The following IL1RAPL2 variants were observed in gnomAD, a reference collection of about 807,000 sequenced individuals.
IL1RAPL2 encodes the protein X-linked interleukin-1 receptor accessory protein-like 2.
Under a neutral mutation model 44.1 loss-of-function variants are expected in IL1RAPL2, and 3 were observed. That is an observed-to-expected ratio of 0.07 (90% CI 0.03 to 0.18). The LOEUF (loss-of-function observed/expected upper bound fraction) is 0.18. Among genes scored for constraint, IL1RAPL2 ranks in the 10% least tolerant of loss-of-function variants. IL1RAPL2 has a pLI of 1.00. For missense variants in IL1RAPL2, 391 were observed against 496.4 expected, an observed-to-expected ratio of 0.79 and a Z score of 2.02; for synonymous variants, 181 against 178.8, an observed-to-expected ratio of 1.01 and a Z score of -0.10.
chrX:105,695,997 C>G (rs181414206), intron 6 of IL1RAPL2, among the ~76,000 whole-genome samples: 14 of 112,136 alleles, frequency 1.2e-4, no homozygotes, highest in African/African-American at 4.5e-4. Context: ...TAGATTCCCA[C>G]TTAACTGTGA....
intron 6 of IL1RAPL2, among the ~76,000 whole-genome samples, chrX:105,586,467 G>A (rs1259123091): frequency 8.9e-6 from 1 of 111,906 alleles, no homozygotes; most frequent in Non-Finnish European, 1.9e-5. Flanking sequence ...TAGAAGTAGA[G>A]GGATGCAGTT....
At chrX:104,709,278 G>A (rs1164426149) in intron 2 of IL1RAPL2, among the ~76,000 whole-genome samples, 1 of 110,065 alleles carries the variant, frequency 9.1e-6, no homozygotes, top group Non-Finnish European at 1.9e-5. Flanking sequence ...CTGGATAATG[G>A]CAAACCCACT....
intron 6 of IL1RAPL2, among the ~76,000 whole-genome samples, chrX:105,538,100 A>G (rs781346589): frequency 1.0e-5 from 1 of 95,781 alleles, no homozygotes; most frequent in African/African-American, 4.1e-5. Context: ...GCAGTGGCGC[A>G]ATCTCGGCTC....
Position 104,747,510 on chromosome X carries a change from A to G in IL1RAPL2, c.82+88515A>G, listed in dbSNP as rs930953465. 8.1e-5 allele frequency among the ~76,000 whole-genome samples: 9 copies of G among 111,555 alleles called. No homozygotes were observed. The East Asian group carries it at 1.7e-3, about 21-fold the overall frequency. ...CAACCACTGATCAAAGAAACAATCA[A>G]TTGCTTCCTGGAAGTAAAAGAATAT... On this transcript the variant is annotated intron_variant, in intron 2 of 10. Transcript: ENST00000372582.
intron 2 of IL1RAPL2, among the ~76,000 whole-genome samples, chrX:104,958,365 C>A (rs1487767040): frequency 1.9e-5 from 2 of 107,896 alleles, no homozygotes; most frequent in African/African-American, 6.8e-5. Context: ...CCAGGTCAGA[C>A]TGCCTGGAAA....
intron 5 of IL1RAPL2, among the ~76,000 whole-genome samples, chrX:105,323,390 C>T (rs2034910584): frequency 9.0e-6 from 1 of 111,707 alleles, no homozygotes; most frequent in Non-Finnish European, 1.9e-5. Flanking sequence ...AACATTTCCA[C>T]CAATGGCAAG....
chrX:105,446,309 TA>T (rs1440826384), intron 5 of IL1RAPL2, among the ~76,000 whole-genome samples: 1 of 111,132 alleles, frequency 9.0e-6, no homozygotes, highest in Non-Finnish European at 1.9e-5. Flanking sequence ...TTTTTGTAGG[TA>T]ACAGATCATA....
At chrX:104,975,997 T>C (rs2030327314) in intron 2 of IL1RAPL2, among the ~76,000 whole-genome samples, 1 of 111,124 alleles carries the variant, frequency 9.0e-6, no homozygotes, top group Admixed American at 9.5e-5. Flanking sequence ...CGAGAGCCAG[T>C]AAAGGGCCAT....
chrX:104,585,904 T>G (rs1404958326), intron 1 of IL1RAPL2, among the ~76,000 whole-genome samples: 1 of 111,378 alleles, frequency 9.0e-6, no homozygotes, highest in East Asian at 2.8e-4. Flanking sequence ...GCAATGAACA[T>G]GCGTATGAAT....
At chrX:105,095,513 G>A (rs1474559699) in intron 2 of IL1RAPL2, among the ~76,000 whole-genome samples, 2 of 111,514 alleles carry the variant, frequency 1.8e-5, no homozygotes, top group South Asian at 3.7e-4. Context: ...AAAGTTCAGC[G>A]GAATAGAATT....
chrX:104,961,067 G>A (rs868249831), intron 2 of IL1RAPL2, among the ~76,000 whole-genome samples: 62 of 111,272 alleles, frequency 5.6e-4, no homozygotes, highest in African/African-American at 2.0e-3. Flanking sequence ...TACAGTAACA[G>A]ATTAAAAAAA....
intron 2 of IL1RAPL2, among the ~76,000 whole-genome samples, chrX:104,764,716 T>A (rs907377181): frequency 8.9e-6 from 1 of 112,218 alleles, no homozygotes; most frequent in African/African-American, 3.2e-5. Flanking sequence ...TTTATTATGT[T>A]GAGGTATGTT....
At chrX:104,571,777 C>T (rs940378035) in intron 1 of IL1RAPL2, among the ~76,000 whole-genome samples, 4 of 111,759 alleles carry the variant, frequency 3.6e-5, no homozygotes, top group Admixed American at 9.5e-5. Flanking sequence ...GTACACAGCA[C>T]GGCCAACCAT....
At chrX:105,584,147 A>AT (rs773966357) in intron 6 of IL1RAPL2, among the ~76,000 whole-genome samples, 5,623 of 110,632 alleles carry the variant, frequency 0.051, 384 homozygotes, top group African/African-American at 0.18. Context: ...CAAGTCTTCT[A>AT]TTTTTTTTCT....
chrX:105,700,491 C>T (rs576776294), intron 6 of IL1RAPL2, among the ~76,000 whole-genome samples: 8 of 111,596 alleles, frequency 7.2e-5, no homozygotes, highest in African/African-American at 2.3e-4. Context: ...ACATAGCTGT[C>T]TGTCATTCTC....
At chrX:104,950,799 T>TG (rs1275261111) in intron 2 of IL1RAPL2, among the ~76,000 whole-genome samples, 2 of 109,920 alleles carry the variant, frequency 1.8e-5, no homozygotes, top group Admixed American at 9.6e-5. Context: ...CTCCGCCCCC[T>TG]GGGGTTCACG....
intron 6 of IL1RAPL2, among the ~76,000 whole-genome samples, chrX:105,557,745 C>T (rs773629473): frequency 3.6e-4 from 40 of 110,949 alleles, no homozygotes; most frequent in African/African-American, 1.3e-3. Context: ...GAGAGTCGCC[C>T]TCCCCAATCC....
At position 105,632,104 on chromosome X, in the gene IL1RAPL2, T is replaced by G. The variant is rs774084632; in HGVS notation, c.773-85263T>G. ...ATGCCTTAAGCCTGTCTGAACTCAC[T>G]ATGGCTTAACTCGGCTGACAGCCAC... On this transcript the variant is annotated intron_variant, in intron 6 of 10. Transcript: ENST00000372582. Among the ~76,000 whole-genome samples, 17 of 109,773 alleles carry G rather than the reference T, an allele frequency of 1.5e-4. No individual in the cohort carries two copies. In the South Asian group the frequency reaches 6.0e-3, roughly 39 times the overall value.
At chrX:105,349,946 G>A (rs1426675745) in intron 5 of IL1RAPL2, among the ~76,000 whole-genome samples, 1 of 111,970 alleles carries the variant, frequency 8.9e-6, no homozygotes, top group Non-Finnish European at 1.9e-5. Flanking sequence ...AGGTAAATCA[G>A]GGCTTTGGCT....
Sources: gnomAD v4.1 joint callset for allele counts (sites outside exome capture counted in the v4.1 genomes callset) on GRCh38, gnomAD v4.1.1 for gene constraint, MANE v1.5 for transcripts, NCBI Gene and HGNC (gene_info 2026-07-23, HGNC 2026-07-21) for gene names.